EEIG1: variants seen among roughly 807,000 people sequenced by gnomAD.
EEIG1 encodes estrogen-induced osteoclastogenesis regulator 1, also known as early estrogen-induced gene 1 protein.
At chr9:127,966,630 T>TA in the EEIG1 span, among the ~76,000 whole-genome samples, 4 of 152,208 alleles carry the variant, frequency 2.6e-5, no homozygotes, top group East Asian at 7.7e-4. Context: ...CTCTTGCTCT[T>TA]ACAGCCCAAG....
chr9:127,980,011 A>G, the EEIG1 span: 1 of 1,612,896 alleles, frequency 6.2e-7, no homozygotes, highest in Non-Finnish European at 8.5e-7. Context: ...AAGCTGACAA[A>G]ATCCCCTCCA....
the EEIG1 span, among the ~76,000 whole-genome samples, chr9:127,970,278 G>A: frequency 2.0e-5 from 3 of 152,038 alleles, no homozygotes; most frequent in African/African-American, 4.8e-5. Flanking sequence ...CACCATGCCC[G>A]GCTAATTTTT....
the EEIG1 span, chr9:127,950,344 C>G: frequency 4.8e-5 from 70 of 1,452,190 alleles, no homozygotes; most frequent in East Asian, 1.3e-3. Flanking sequence ...AACAACCCTC[C>G]TCCAGAGGAT....
chr9:127,979,883 C>T, the EEIG1 span: 15 of 1,328,440 alleles, frequency 1.1e-5, no homozygotes, highest in South Asian at 9.1e-5. Flanking sequence ...CACACAGAAT[C>T]CCCCGGATCC....
chr9:127,980,984 G>A, the EEIG1 span, among the ~76,000 whole-genome samples: 1 of 149,302 alleles, frequency 6.7e-6, no homozygotes, highest in Non-Finnish European at 1.5e-5. Flanking sequence ...GCGCCGCTTG[G>A]AGAATGCCTG....
At chr9:127,980,989 T>C in the EEIG1 span, among the ~76,000 whole-genome samples, 1 of 149,268 alleles carries the variant, frequency 6.7e-6, no homozygotes, top group African/African-American at 2.4e-5. Context: ...GCTTGGAGAA[T>C]GCCTGGGCCC....
chr9:127,966,442 C>T, the EEIG1 span, among the ~76,000 whole-genome samples: 1 of 143,994 alleles, frequency 6.9e-6, no homozygotes, highest in African/African-American at 2.5e-5. Flanking sequence ...ACCCCATCTC[C>T]GAAAAAAAAA....
At chr9:127,974,237 C>T in the EEIG1 span, among the ~76,000 whole-genome samples, 3 of 152,184 alleles carry the variant, frequency 2.0e-5, no homozygotes, top group African/African-American at 7.2e-5. Flanking sequence ...TCCCATTGTC[C>T]TTCCCTGGGT....
the EEIG1 span, chr9:127,941,692 G>T: frequency 1.3e-5 from 2 of 152,106 alleles, no homozygotes; most frequent in Non-Finnish European, 2.9e-5. Context: ...TCCCAGCCTG[G>T]GGAGGGCACC....
the EEIG1 span, chr9:127,979,985 C>T: frequency 1.2e-6 from 2 of 1,611,944 alleles, no homozygotes; most frequent in Middle Eastern, 1.7e-4. Flanking sequence ...ACCGCCCCAG[C>T]TCCTACCTTG....
At chr9:127,947,369 G>A in the EEIG1 span, among the ~76,000 whole-genome samples, 2 of 151,954 alleles carry the variant, frequency 1.3e-5, no homozygotes, top group Non-Finnish European at 2.9e-5. Context: ...CTGGGAGGCA[G>A]AGGTTGCAGT....
At chr9:127,968,628 C>G in the EEIG1 span, among the ~76,000 whole-genome samples, 1 of 152,186 alleles carries the variant, frequency 6.6e-6, no homozygotes, top group African/African-American at 2.4e-5. Flanking sequence ...TGTAAGGGGC[C>G]AGGGGTCACT....
the EEIG1 span, chr9:127,945,806 C>A: frequency 2.4e-6 from 3 of 1,243,868 alleles, no homozygotes; most frequent in South Asian, 3.9e-5. The surrounding 1 kb of genome is among the most constrained non-coding windows in gnomAD (Gnocchi z 6.5). Flanking sequence ...CCCAGTGCTG[C>A]TCACTGTCGC....
chr9:127,979,543 C>G, the EEIG1 span, among the ~76,000 whole-genome samples: 1 of 152,246 alleles, frequency 6.6e-6, no homozygotes, highest in African/African-American at 2.4e-5. Flanking sequence ...CTCCCTCCAG[C>G]CAGACTAGGG....
the EEIG1 span, chr9:127,980,265 G>T: frequency 9.1e-7 from 1 of 1,100,706 alleles, no homozygotes; most frequent in Non-Finnish European, 1.3e-6. Flanking sequence ...TGGCGGAGAC[G>T]GCGGAGATCG....
At chr9:127,950,799 G>T in the EEIG1 span, 1 of 908,594 alleles carries the variant, frequency 1.1e-6, no homozygotes, top group Non-Finnish European at 1.5e-6. Flanking sequence ...GGCGTGCACC[G>T]GGGCCAGTGC....
At chr9:127,943,049 G>A in the EEIG1 span, 31 of 743,742 alleles carry the variant, frequency 4.2e-5, no homozygotes, top group African/African-American at 8.6e-5. Flanking sequence ...ATGATGCTAC[G>A]GGGAGTGTGG....
At chr9:127,947,515 C>T in the EEIG1 span, among the ~76,000 whole-genome samples, 1 of 152,126 alleles carries the variant, frequency 6.6e-6, no homozygotes, top group East Asian at 1.9e-4. Flanking sequence ...ACAGTTAATC[C>T]CCAAAGTGAC....
the EEIG1 span, among the ~76,000 whole-genome samples, chr9:127,952,743 C>T: frequency 6.6e-6 from 1 of 152,160 alleles, no homozygotes; most frequent in African/African-American, 2.4e-5. Context: ...GGCAGAGTCT[C>T]GCTCTGTCAC....
Sources: allele counts gnomAD v4.1 joint callset (sites outside exome capture counted in the v4.1 genomes callset), GRCh38; gene constraint gnomAD v4.1.1; non-coding constraint Gnocchi (gnomAD v3.1); transcripts MANE v1.5; gene names NCBI Gene and HGNC (gene_info 2026-07-23, HGNC 2026-07-21).